The following CFAP299 variants were observed in gnomAD, a reference collection of about 807,000 sequenced individuals.
CFAP299 encodes cilia- and flagella-associated protein 299.
A neutral mutation model predicts 27.0 loss-of-function variants in CFAP299; 21 were observed. The observed-to-expected ratio is 0.78, with a 90% confidence interval of 0.55 to 1.12. The LOEUF (loss-of-function observed/expected upper bound fraction) is 1.12, where lower values mean the gene tolerates loss of function less well. CFAP299 is among the 50% of genes most tolerant of loss of function. CFAP299 has a pLI of 0.00. For synonymous variants in CFAP299, 104 were observed against 98.1 expected, an observed-to-expected ratio of 1.06 and a Z score of -0.36; for missense variants, 310 against 276.6, an observed-to-expected ratio of 1.12 and a Z score of -0.86.
intron 2 of CFAP299, among the ~76,000 whole-genome samples, chr4:80,472,398 A>G (rs944760186): frequency 6.6e-6 from 1 of 152,230 alleles, no homozygotes; most frequent in African/African-American, 2.4e-5. Context: ...ACTTTGACGC[A>G]TAATTAATCA....
chr4:80,580,042 T>C (rs988387449), intron 2 of CFAP299, among the ~76,000 whole-genome samples: 70 of 152,250 alleles, frequency 4.6e-4, no homozygotes, highest in African/African-American at 1.5e-3. Flanking sequence ...TGTATAGTCA[T>C]TGTATCAATT....
chr4:80,689,616 A>G (rs1384168740), intron 3 of CFAP299, among the ~76,000 whole-genome samples: 1 of 152,210 alleles, frequency 6.6e-6, no homozygotes, highest in Admixed American at 6.5e-5. Context: ...CATTGAGACT[A>G]GGCAGAAACT....
intron 2 of CFAP299, among the ~76,000 whole-genome samples, chr4:80,449,923 A>G (rs1165232782): frequency 2.0e-5 from 3 of 152,160 alleles, no homozygotes. Flanking sequence ...GATGAAATTC[A>G]TCATCACTAA....
intron 3 of CFAP299, among the ~76,000 whole-genome samples, chr4:80,857,915 G>C (rs1223707881): frequency 6.6e-6 from 1 of 152,100 alleles, no homozygotes; most frequent in East Asian, 1.9e-4. Context: ...GATGATGCTG[G>C]CCTCATAAAA....
intron 4 of CFAP299, among the ~76,000 whole-genome samples, chr4:80,904,333 T>C (rs968021951): frequency 2.6e-5 from 4 of 152,136 alleles, no homozygotes; most frequent in Non-Finnish European, 5.9e-5. Flanking sequence ...GGAGTGCATA[T>C]GAGCAAGTCA....
At position 80,428,601 on chromosome 4, in the gene CFAP299, A is replaced by G. The variant is rs1369779393; in HGVS notation, c.242+65717A>G. 6.6e-5 allele frequency among the ~76,000 whole-genome samples: 10 copies of G among 151,870 alleles called. No homozygotes were observed. The East Asian group carries it at 1.4e-3, about 21-fold the overall frequency. On this transcript the variant is annotated intron_variant, in intron 2 of 5. Coordinates refer to ENST00000358105, the MANE Select transcript of CFAP299 (RefSeq NM_152770.3). ...GAGTGCGGTGGTGCTATCTTGGCTCACTGCAACCTCTGCCTCCTGGGTTCA... is the reference window on the plus strand; with the variant it reads ...GAGTGCGGTGGTGCTATCTTGGCTCGCTGCAACCTCTGCCTCCTGGGTTCA...
intron 3 of CFAP299, among the ~76,000 whole-genome samples, chr4:80,864,430 GTATATA>G (rs34724841): frequency 7.5e-6 from 1 of 133,584 alleles, no homozygotes; most frequent in East Asian, 2.1e-4. Context: ...ATATATATAG[GTATATA>G]TATATATATA....
intron 2 of CFAP299, among the ~76,000 whole-genome samples, chr4:80,389,785 A>G (rs1236630417): frequency 6.6e-6 from 1 of 152,194 alleles, no homozygotes; most frequent in Non-Finnish European, 1.5e-5. Flanking sequence ...TAAAATCCTT[A>G]TATAAGCATT....
intron 3 of CFAP299, among the ~76,000 whole-genome samples, chr4:80,855,977 G>A (rs1300832188): frequency 1.3e-5 from 2 of 151,916 alleles, no homozygotes; most frequent in East Asian, 3.9e-4. Flanking sequence ...CTGAGGAATT[G>A]CCACACTGAC....
intron 3 of CFAP299, among the ~76,000 whole-genome samples, chr4:80,799,785 T>TA (rs1728232267): frequency 2.5e-5 from 1 of 39,802 alleles, no homozygotes; most frequent in Non-Finnish European, 4.1e-5. Context: ...ATATATATAT[T>TA]ATATATTATA....
At chr4:80,880,070 T>C (rs1733615521) in intron 4 of CFAP299, among the ~76,000 whole-genome samples, 1 of 139,856 alleles carries the variant, frequency 7.2e-6, no homozygotes, top group South Asian at 2.2e-4. Context: ...GTTCAGAAAA[T>C]GAACATAAAA....
rs919173766 is a variant in CFAP299, at chr4:80,944,947, T to A, written c.606+8T>A. On this transcript the variant is annotated splice_region_variant and intron_variant, in intron 5 of 5. Coordinates refer to ENST00000358105, the MANE Select transcript of CFAP299 (RefSeq NM_152770.3). ...CTTAATGTGGACCCAAAGGTAATTC[T>A]TCTTTTACACTTAGTTAGTTACCTC... 1.9e-6 allele frequency: 3 copies of A among 1,608,322 alleles called. No individual in the cohort carries two copies. Among genetic ancestry groups the A allele is most frequent in the Non-Finnish European group, 1.7e-6 (2 of 1,176,684 alleles).
intron 2 of CFAP299, among the ~76,000 whole-genome samples, chr4:80,453,885 A>G (rs1261491059): frequency 7.0e-6 from 1 of 142,752 alleles, no homozygotes; most frequent in African/African-American, 2.6e-5. Context: ...AATAATAATA[A>G]TAATCTTGCA....
the CFAP299 span, among the ~76,000 whole-genome samples, chr4:80,324,158 C>T: frequency 2.0e-5 from 3 of 152,214 alleles, no homozygotes; most frequent in South Asian, 2.1e-4. Flanking sequence ...CTCGATAGGC[C>T]CCGGTATGTG....
intron 2 of CFAP299, among the ~76,000 whole-genome samples, chr4:80,481,722 G>T (rs1730581856): frequency 6.6e-6 from 1 of 151,924 alleles, no homozygotes. Context: ...GCAGAGCTGG[G>T]GCTAAAAGTC....
chr4:80,589,085 A>G (rs1736592735), intron 3 of CFAP299, among the ~76,000 whole-genome samples: 1 of 152,218 alleles, frequency 6.6e-6, no homozygotes, highest in African/African-American at 2.4e-5. Context: ...GCTCAGAAGT[A>G]TCAGATAAAA....
chr4:80,803,142 T>C (rs533145872), intron 3 of CFAP299, among the ~76,000 whole-genome samples: 138 of 152,188 alleles, frequency 9.1e-4, no homozygotes, highest in African/African-American at 3.2e-3. Flanking sequence ...TCCATTTATG[T>C]TTTTTCTTAT....
chr4:80,448,639 A>G (rs977637048), intron 2 of CFAP299, among the ~76,000 whole-genome samples: 3 of 152,080 alleles, frequency 2.0e-5, no homozygotes, highest in African/African-American at 4.8e-5. Context: ...TGGTACAATC[A>G]CCAGTACTTA....
At chr4:80,390,489 C>A (rs114423337) in intron 2 of CFAP299, among the ~76,000 whole-genome samples, 1,840 of 132,960 alleles carry the variant, frequency 0.014, 43 homozygotes, top group African/African-American at 0.038. Flanking sequence ...CTCTCTCTCT[C>A]TCTATATATA....
Sources: allele counts gnomAD v4.1 joint callset (sites outside exome capture counted in the v4.1 genomes callset), GRCh38; gene constraint gnomAD v4.1.1; transcripts MANE v1.5; gene names NCBI Gene and HGNC (gene_info 2026-07-23, HGNC 2026-07-21).